Variants in ARL15 observed in about 807,000 individuals in gnomAD.
ARL15 encodes the protein ADP-ribosylation factor-like protein 15.
In ARL15, 19 loss-of-function variants were observed where a neutral mutation model predicts 25.2. The ratio of observed to expected loss-of-function variants is 0.75; its 90% CI spans 0.53 to 1.10. The LOEUF (loss-of-function observed/expected upper bound fraction) is 1.10, where lower values mean the gene tolerates loss of function less well. Among genes scored for constraint, ARL15 ranks in the 50% least tolerant of loss-of-function variants. The pLI is 0.00. For missense variants in ARL15, 220 were observed against 246.0 expected (o/e 0.89, Z 0.71); for synonymous variants, 94 against 86.8 (o/e 1.08, Z -0.46).
intron 4 of ARL15, among the ~76,000 whole-genome samples, chr5:54,089,560 T>C (rs965759916): frequency 6.6e-6 from 1 of 152,208 alleles, no homozygotes; most frequent in Non-Finnish European, 1.5e-5. Flanking sequence ...TAAAGGCATT[T>C]ATCTATTTAA....
intron 4 of ARL15, among the ~76,000 whole-genome samples, chr5:54,021,658 T>G (rs1414786645): frequency 6.6e-6 from 1 of 152,144 alleles, no homozygotes; most frequent in Non-Finnish European, 1.5e-5. Context: ...ATTTCCTTTG[T>G]GTCACTGAAG....
intron 1 of ARL15, among the ~76,000 whole-genome samples, chr5:54,196,267 C>A (rs16882423): frequency 0.25 from 38,017 of 151,932 alleles, 5,242 homozygotes; most frequent in African/African-American, 0.35. Context: ...AAAAAGATCA[C>A]AGGATTGCTT....
intron 4 of ARL15, among the ~76,000 whole-genome samples, chr5:53,985,967 G>A (rs546065549): frequency 2.6e-5 from 4 of 152,274 alleles, no homozygotes; most frequent in South Asian, 2.1e-4. Flanking sequence ...GAATTTTTCG[G>A]TGGGGCTTGG....
At chr5:54,032,869 A>G (rs1750035970) in intron 4 of ARL15, among the ~76,000 whole-genome samples, 1 of 152,048 alleles carries the variant, frequency 6.6e-6, no homozygotes, top group Non-Finnish European at 1.5e-5. Context: ...TTTAATTGTA[A>G]TCTATTTCCT....
At chr5:54,298,973 G>A (rs183805832) in intron 1 of ARL15, among the ~76,000 whole-genome samples, 23 of 151,788 alleles carry the variant, frequency 1.5e-4, no homozygotes, top group African/African-American at 4.8e-4. Flanking sequence ...GCACAATCAC[G>A]GCTCATTGCA....
chr5:54,172,389 T>C (rs1754746465), intron 1 of ARL15, among the ~76,000 whole-genome samples: 1 of 151,838 alleles, frequency 6.6e-6, no homozygotes, highest in Admixed American at 6.6e-5. Context: ...TAAAATGCAA[T>C]ATATCTTGGA....
At chr5:53,995,303 CAAA>C (rs34234639) in intron 4 of ARL15, among the ~76,000 whole-genome samples, 3,464 of 43,728 alleles carry the variant, frequency 0.079, 12 homozygotes, top group Non-Finnish European at 0.1. Flanking sequence ...GACTCCGTCA[CAAA>C]AAAAAAAAAA....
At chr5:53,991,560 A>G (rs1303976765) in intron 4 of ARL15, among the ~76,000 whole-genome samples, 4 of 131,426 alleles carry the variant, frequency 3.0e-5, no homozygotes, top group Non-Finnish European at 4.9e-5. Flanking sequence ...AAAAAAAAAA[A>G]AGGGGGGGCG....
At chr5:54,129,585 G>A (rs1024174464) in intron 3 of ARL15, among the ~76,000 whole-genome samples, 29 of 152,332 alleles carry the variant, frequency 1.9e-4, no homozygotes, top group African/African-American at 7.0e-4. Flanking sequence ...CAGATTTAAT[G>A]TAGCATGCAA....
chr5:54,026,689 A>G (rs1749795564), intron 4 of ARL15, among the ~76,000 whole-genome samples: 1 of 152,188 alleles, frequency 6.6e-6, no homozygotes, highest in South Asian at 2.1e-4. Context: ...ACTACAGGAG[A>G]CATGGGTAGA....
At chr5:53,894,050 G>A (rs566695776) in intron 4 of ARL15, among the ~76,000 whole-genome samples, 2 of 152,282 alleles carry the variant, frequency 1.3e-5, no homozygotes, top group Non-Finnish European at 1.5e-5. Flanking sequence ...TTTTTACTGA[G>A]TGCTTAACAA....
intron 1 of ARL15, among the ~76,000 whole-genome samples, chr5:54,200,650 AG>A (rs1755697144): frequency 6.6e-6 from 1 of 152,182 alleles, no homozygotes; most frequent in Non-Finnish European, 1.5e-5. Context: ...TACCTGTACT[AG>A]GGTTAGGCAG....
At chr5:54,147,439 TAAC>T (rs775000831) in intron 3 of ARL15, among the ~76,000 whole-genome samples, 36 of 152,176 alleles carry the variant, frequency 2.4e-4, no homozygotes, top group Admixed American at 7.9e-4. Context: ...TATAAGAAAA[TAAC>T]AACAAGAAAA....
chr5:54,226,168 C>T (rs1324251699), intron 1 of ARL15, among the ~76,000 whole-genome samples: 1 of 152,126 alleles, frequency 6.6e-6, no homozygotes, highest in Non-Finnish European at 1.5e-5. Flanking sequence ...AGTGAGCCAA[C>T]AGCTGACACG....
At chr5:54,188,619 T>C (rs1231210669) in intron 1 of ARL15, among the ~76,000 whole-genome samples, 2 of 152,150 alleles carry the variant, frequency 1.3e-5, no homozygotes, top group African/African-American at 4.8e-5. Flanking sequence ...GGATCAGGGC[T>C]CACTTGGGAC....
At chr5:53,959,901 A>G (rs1554029888) in intron 4 of ARL15, among the ~76,000 whole-genome samples, 1 of 151,786 alleles carries the variant, frequency 6.6e-6, no homozygotes, top group South Asian at 2.1e-4. Flanking sequence ...TCCCTTTACT[A>G]TACTGAAAGT....
At chr5:54,221,870 C>CAA (rs55914195) in intron 1 of ARL15, among the ~76,000 whole-genome samples, 6 of 140,376 alleles carry the variant, frequency 4.3e-5, no homozygotes, top group South Asian at 2.3e-4. Flanking sequence ...CACACACACA[C>CAA]AAAACCCTCA....
intron 1 of ARL15, among the ~76,000 whole-genome samples, chr5:54,272,614 C>T (rs35922): frequency 0.028 from 4,258 of 152,238 alleles, 80 homozygotes; most frequent in Middle Eastern, 0.061. Context: ...AAAGCCTCTC[C>T]ACCTAAACAC....
At chr5:53,887,934 C>A (rs1278751570) in intron 4 of ARL15, among the ~76,000 whole-genome samples, 1 of 152,040 alleles carries the variant, frequency 6.6e-6, no homozygotes, top group African/African-American at 2.4e-5. Flanking sequence ...TACATTTTTT[C>A]ATATAAGCCA....
Sources: allele counts gnomAD v4.1 joint callset (sites outside exome capture counted in the v4.1 genomes callset), GRCh38; gene constraint gnomAD v4.1.1; transcripts MANE v1.5; gene names NCBI Gene and HGNC (gene_info 2026-07-23, HGNC 2026-07-21).